CSMD2: variants seen among roughly 807,000 people sequenced by gnomAD.
CSMD2 encodes the protein CUB and Sushi multiple domains 2.
A neutral mutation model predicts 398.5 loss-of-function variants in CSMD2; 130 were observed. That is an observed-to-expected ratio of 0.33 (90% CI 0.28 to 0.38). CSMD2 has a LOEUF of 0.38. CSMD2 is among the 10% of genes least tolerant of loss of function. The pLI, the probability that CSMD2 is intolerant of heterozygous loss-of-function variation, is 1.00. For missense variants in CSMD2, 3,829 were observed against 4,764.9 expected (o/e 0.80, Z 5.78); for synonymous variants, 1,828 against 1,908.5 (o/e 0.96, Z 1.10).
chr1:34,165,344 G>A, upstream of CSMD2: 1 of 1,198,814 alleles, frequency 8.3e-7, no homozygotes, highest in South Asian at 3.8e-5. Flanking sequence ...AATTATCCCC[G>A]GATTAATCAC....
intron 2 of CSMD2, among the ~76,000 whole-genome samples, chr1:34,051,497 A>G (rs1211678742): frequency 6.6e-6 from 1 of 152,202 alleles, no homozygotes; most frequent in Non-Finnish European, 1.5e-5. Context: ...ATATAAATAT[A>G]CACACATACA....
rs1184175368 is a variant in CSMD2 at position 34,164,470 on chromosome 1, C to T, written c.187+441G>A. Among the ~76,000 whole-genome samples, 1 of 151,926 alleles carries T rather than the reference C, an allele frequency of 6.6e-6. No homozygotes were observed. Among genetic ancestry groups the T allele is most frequent in the Non-Finnish European group, 1.5e-5 (1 of 67,986 alleles). On this transcript the variant is annotated intron_variant, in intron 1 of 70. Coordinates refer to ENST00000373381, the MANE Select transcript of CSMD2 (RefSeq NM_001281956.2). The surrounding 1 kb of genome is among the most constrained non-coding windows in gnomAD (Gnocchi z 6.2). ...TGCAGACGCAGAAATGGGGAGGGGG[C>T]GCACGGTTCCTCTCCAGCCCCCAGG...
At chr1:33,881,048 C>G (rs1641204011) in intron 5 of CSMD2, among the ~76,000 whole-genome samples, 1 of 152,190 alleles carries the variant, frequency 6.6e-6, no homozygotes, top group Non-Finnish European at 1.5e-5. Flanking sequence ...ACATTTTCTG[C>G]TCTTAATGAC....
intron 2 of CSMD2, among the ~76,000 whole-genome samples, chr1:34,080,127 C>CAAAAAAAAAAA (rs201150922): frequency 1.3e-5 from 1 of 76,672 alleles, no homozygotes; most frequent in Non-Finnish European, 3.1e-5. Flanking sequence ...GAATGTAAAG[C>CAAAAAAAAAAA]AAAAAAAAAA....
rs1318175835 is a variant in CSMD2, at chr1:34,120,977, A to G, written c.188-31784T>C. Among the ~76,000 whole-genome samples, 3 of 152,304 alleles carry G rather than the reference A, an allele frequency of 2.0e-5. No homozygotes were observed. In the East Asian group the frequency reaches 5.8e-4, roughly 29 times the overall value. ...TTTTTAGGAGCTCTTACCACCCAACATATTACATATTTACTAACGTATTTG... is the reference window on the plus strand; with the variant it reads ...TTTTTAGGAGCTCTTACCACCCAACGTATTACATATTTACTAACGTATTTG... On this transcript the variant is annotated intron_variant, in intron 1 of 70. Transcript: ENST00000373381.
At chr1:34,063,543 G>GTCTC (rs1654762718) in intron 2 of CSMD2, among the ~76,000 whole-genome samples, 1 of 152,192 alleles carries the variant, frequency 6.6e-6, no homozygotes, top group Non-Finnish European at 1.5e-5. Flanking sequence ...TTGACTCCAT[G>GTCTC]TCTCACATCC....
At chr1:33,864,753 T>A in intron 5 of CSMD2, 1 of 1,595,736 alleles carries the variant, frequency 6.3e-7, no homozygotes. Context: ...GCAGAGCTGA[T>A]GGATCCAGTT....
Position 33,939,480 on chromosome 1 carries a change from G to C in CSMD2, c.518-3526C>G, listed in dbSNP as rs1558134256. ...GGGAGCCAACTAGGGGAAATGAGCT[G>C]AGAACTGGTGTAGAACTAACGTGTC... On this transcript the variant is annotated intron_variant, in intron 3 of 70. Transcript: ENST00000373381. Among the ~76,000 whole-genome samples, 3 of 152,324 alleles carry C rather than the reference G, an allele frequency of 2.0e-5. 1 individual carries two copies. In the South Asian group the frequency reaches 6.2e-4, roughly 32 times the overall value.
At chr1:33,989,616 G>A (rs1570732984) in intron 3 of CSMD2, among the ~76,000 whole-genome samples, 1 of 152,074 alleles carries the variant, frequency 6.6e-6, no homozygotes, top group South Asian at 2.1e-4. Flanking sequence ...AGAAATTATG[G>A]TATATTAATA....
At chr1:33,974,165 C>T (rs1326648570) in intron 3 of CSMD2, among the ~76,000 whole-genome samples, 1 of 152,194 alleles carries the variant, frequency 6.6e-6, no homozygotes, top group African/African-American at 2.4e-5. Flanking sequence ...AATAACATTT[C>T]TCTCCCTTGG....
intron 5 of CSMD2, among the ~76,000 whole-genome samples, chr1:33,902,569 A>C (rs930685820): frequency 3.3e-5 from 5 of 152,146 alleles, no homozygotes; most frequent in Non-Finnish European, 7.3e-5. Flanking sequence ...GGTTCTAATC[A>C]GGATCCGAGT....
At chr1:33,667,349 C>T (rs1644350639) in intron 25 of CSMD2, among the ~76,000 whole-genome samples, 2 of 152,294 alleles carry the variant, frequency 1.3e-5, no homozygotes, top group South Asian at 2.1e-4. Flanking sequence ...TTCACATTAG[C>T]CCATGGAGTC....
intron 3 of CSMD2, among the ~76,000 whole-genome samples, chr1:33,966,173 G>A (rs1645550523): frequency 6.6e-6 from 1 of 152,152 alleles, no homozygotes; most frequent in South Asian, 2.1e-4. Context: ...CTAATCCAAG[G>A]AGTCCAGCCT....
intron 47 of CSMD2, among the ~76,000 whole-genome samples, chr1:33,581,529 C>CAAAAAAAAAAAAAAAAAA (rs59068586): frequency 1.4e-4 from 5 of 36,886 alleles, no homozygotes; most frequent in Non-Finnish European, 1.9e-4. Context: ...GACTCAGTCT[C>CAAAAAAAAAAAAAAAAAA]AAAAAAAAAA....
chr1:34,128,147 C>T (rs1176363295), intron 1 of CSMD2, among the ~76,000 whole-genome samples: 3 of 152,024 alleles, frequency 2.0e-5, no homozygotes, highest in Non-Finnish European at 2.9e-5. Context: ...TCCCACATTC[C>T]CTCTGGACTC....
Position 33,876,680 on chromosome 1 carries a change from G to A in CSMD2, c.921-29684C>T, listed in dbSNP as rs7538468. Among the ~76,000 whole-genome samples the A allele has an allele frequency of 2.6e-3, 402 of 152,250 alleles. 1 individual carries two copies. Among genetic ancestry groups the A allele is most frequent in the African/African-American group, 9.2e-3 (381 of 41,552 alleles). On this transcript the variant is annotated intron_variant, in intron 5 of 70. Coordinates refer to ENST00000373381, the MANE Select transcript of CSMD2 (RefSeq NM_001281956.2). ...TCAAGTAGCAGAACTCAGGCATCCT[G>A]GCTGCAGCACCCACACTCTACCATG...
intron 3 of CSMD2, among the ~76,000 whole-genome samples, chr1:34,015,611 C>G (rs759466560): frequency 3.3e-5 from 5 of 152,152 alleles, no homozygotes; most frequent in Non-Finnish European, 7.4e-5. Flanking sequence ...TCCAGAGATG[C>G]TGGAGCTCTG....
chr1:33,533,335 C>G lies in CSMD2; in HGVS notation c.9992-106G>C. 1.9e-6 allele frequency: 2 copies of G among 1,045,336 alleles called. No individual in the cohort carries two copies. The highest frequency in any genetic ancestry group is 2.8e-6 in the Non-Finnish European group (2 of 713,604). 64.8% of individuals were successfully genotyped at this position (1,045,336 alleles called of 1,614,324 possible). A position where few individuals can be genotyped will look rare whatever the true frequency, so the allele number is the denominator to read the frequency against. ...ATAGAATATCCTCTTCCTTTCCCTT[C>G]CAGTCCCTTTCATGCCAAGCATCCC... On this transcript the variant is annotated intron_variant, in intron 63 of 70. Coordinates refer to ENST00000373381, the MANE Select transcript of CSMD2 (RefSeq NM_001281956.2). This position sits in a 1 kb window ranked among gnomAD's most constrained non-coding sequence, Gnocchi z 4.2.
chr1:33,907,459 G>A (rs544673112), intron 5 of CSMD2, among the ~76,000 whole-genome samples: 1 of 152,196 alleles, frequency 6.6e-6, no homozygotes, highest in South Asian at 2.1e-4. Context: ...AGTGATTTCA[G>A]GAGGAGGCTG....
Sources: gnomAD v4.1 joint callset for allele counts (sites outside exome capture counted in the v4.1 genomes callset) on GRCh38, gnomAD v4.1.1 for gene constraint, Gnocchi (gnomAD v3.1) non-coding constraint, MANE v1.5 for transcripts, NCBI Gene and HGNC (gene_info 2026-07-23, HGNC 2026-07-21) for gene names.